The following SLC16A7 variants were observed in gnomAD, a reference collection of about 807,000 sequenced individuals.
SLC16A7 encodes monocarboxylate transporter 2.
In SLC16A7, 33 loss-of-function variants were observed where a neutral mutation model predicts 34.9. The observed-to-expected ratio is 0.94, with a 90% CI of 0.72 to 1.26. The LOEUF (loss-of-function observed/expected upper bound fraction) is 1.26. Ranked by LOEUF, SLC16A7 falls within the 50% of genes most tolerant of loss-of-function variation. The probability of loss-of-function intolerance (pLI) is 0.00; values close to 1 mark genes in which losing one functional copy is unlikely to be tolerated. For missense variants in SLC16A7, 573 were observed against 578.1 expected, an observed-to-expected ratio of 0.99 and a Z score of 0.09; for synonymous variants, 201 against 206.6, an observed-to-expected ratio of 0.97 and a Z score of 0.23.
intron 3 of SLC16A7, among the ~76,000 whole-genome samples, chr12:59,718,900 T>C (rs1398576757): frequency 2.0e-5 from 3 of 152,170 alleles, no homozygotes; most frequent in African/African-American, 7.2e-5. Context: ...TTCTAGACAC[T>C]ATCTAGATTA....
rs1470797783 is a variant in SLC16A7 at position 59,788,453 on chromosome 12, C to G, written c.*8774C>G. 6.6e-6 allele frequency: 1 copy of G among 151,962 alleles called. No individual in the cohort carries two copies. Among genetic ancestry groups the G allele is most frequent in the African/African-American group, 2.4e-5 (1 of 41,410 alleles). 9.4% of individuals were successfully genotyped at this position (151,962 alleles called of 1,614,324 possible). ...ATCATATTGCCACATGGTCTATCAA[C>G]TATGGTTACTATGATAGTGAAATAA... On this transcript the variant is annotated 3_prime_UTR_variant, in exon 6 of 6. Coordinates refer to ENST00000547379, the MANE Select transcript of SLC16A7 (RefSeq NM_001270623.2).
At chr12:59,754,141 A>G (rs1206405470) in intron 3 of SLC16A7, among the ~76,000 whole-genome samples, 1 of 152,226 alleles carries the variant, frequency 6.6e-6, no homozygotes, top group East Asian at 1.9e-4. Flanking sequence ...CTAAATGCCC[A>G]CAAGAGAAAG....
chr12:59,608,957 T>A (rs1484482841), intron 1 of SLC16A7, among the ~76,000 whole-genome samples: 1 of 152,234 alleles, frequency 6.6e-6, no homozygotes, highest in Non-Finnish European at 1.5e-5. Flanking sequence ...TGATCAAAAT[T>A]ATTATGCATA....
intron 5 of SLC16A7, among the ~76,000 whole-genome samples, chr12:59,778,256 A>G (rs1368369850): frequency 6.6e-6 from 1 of 152,140 alleles, no homozygotes; most frequent in African/African-American, 2.4e-5. Flanking sequence ...AAGAAGGCAA[A>G]TTAAAATTAT....
intron 3 of SLC16A7, among the ~76,000 whole-genome samples, chr12:59,763,150 T>C (rs1050702494): frequency 6.6e-6 from 1 of 152,080 alleles, no homozygotes; most frequent in Non-Finnish European, 1.5e-5. Context: ...AAATGTCCCT[T>C]TTAATGAAAT....
intron 1 of SLC16A7, among the ~76,000 whole-genome samples, chr12:59,602,379 A>G (rs541061957): frequency 1.4e-5 from 2 of 145,186 alleles, no homozygotes; most frequent in African/African-American, 5.1e-5. Context: ...TGTGCTCTTT[A>G]TTTTGTTACT....
intron 3 of SLC16A7, among the ~76,000 whole-genome samples, chr12:59,717,660 G>A (rs1195114113): frequency 6.6e-6 from 1 of 152,056 alleles, no homozygotes; most frequent in African/African-American, 2.4e-5. Flanking sequence ...AGAAACCTGA[G>A]GCAATTCATG....
chr12:59,769,413 A>G (rs1277891134), intron 3 of SLC16A7: 1 of 152,124 alleles, frequency 6.6e-6, no homozygotes, highest in Admixed American at 6.6e-5. Flanking sequence ...GAACTTTACC[A>G]TGTTAGGGAC....
intron 3 of SLC16A7, among the ~76,000 whole-genome samples, chr12:59,769,626 T>G (rs1452114683): frequency 6.6e-6 from 1 of 152,112 alleles, no homozygotes; most frequent in Non-Finnish European, 1.5e-5. Context: ...CAAAAGATAT[T>G]GTGGAGTTAA....
chr12:59,643,521 G>A (rs1880777704), intron 1 of SLC16A7, among the ~76,000 whole-genome samples: 1 of 152,100 alleles, frequency 6.6e-6, no homozygotes, highest in African/African-American at 2.4e-5. Flanking sequence ...GGAAGAGACT[G>A]GCATTAGAAA....
intron 1 of SLC16A7, among the ~76,000 whole-genome samples, chr12:59,618,907 G>GT (rs1272825990): frequency 1.3e-5 from 2 of 151,796 alleles, no homozygotes; most frequent in African/African-American, 4.8e-5. Context: ...AATTGGCTGC[G>GT]TTTTCTATAT....
intron 3 of SLC16A7, among the ~76,000 whole-genome samples, chr12:59,760,086 C>A (rs1318055370): frequency 2.0e-5 from 3 of 151,852 alleles, no homozygotes; most frequent in African/African-American, 7.3e-5. Flanking sequence ...GAAACTATAC[C>A]CGTTATTACA....
At chr12:59,708,763 T>A (rs1336699876) in intron 3 of SLC16A7, among the ~76,000 whole-genome samples, 1 of 151,636 alleles carries the variant, frequency 6.6e-6, no homozygotes, top group Non-Finnish European at 1.5e-5. Context: ...TTAGTTGGTA[T>A]CTGGGCTTTG....
At chr12:59,597,113 C>T (rs762234235) in intron 1 of SLC16A7, 6 of 152,100 alleles carry the variant, frequency 3.9e-5, no homozygotes, top group Non-Finnish European at 7.3e-5. Flanking sequence ...TCTACTTCCG[C>T]GAAAAGGATT....
intron 1 of SLC16A7, among the ~76,000 whole-genome samples, chr12:59,605,511 G>A (rs576499528): frequency 4.9e-4 from 74 of 152,250 alleles, no homozygotes; most frequent in Non-Finnish European, 8.2e-4. Flanking sequence ...AGTGAAGAGG[G>A]ATTTTGAATA....
chr12:59,714,811 C>T (rs535978432), intron 3 of SLC16A7, among the ~76,000 whole-genome samples: 13 of 152,172 alleles, frequency 8.5e-5, no homozygotes, highest in African/African-American at 1.7e-4. Flanking sequence ...GTGATCCACC[C>T]GCCTCGGCCT....
intron 3 of SLC16A7, among the ~76,000 whole-genome samples, chr12:59,765,526 G>C (rs1433933885): frequency 6.6e-6 from 1 of 152,182 alleles, no homozygotes; most frequent in East Asian, 1.9e-4. Context: ...GTAAGGAAGG[G>C]ATCCAGTTTC....
intron 2 of SLC16A7, among the ~76,000 whole-genome samples, chr12:59,686,781 A>C (rs1871195096): frequency 6.6e-6 from 1 of 152,108 alleles, no homozygotes; most frequent in Non-Finnish European, 1.5e-5. Flanking sequence ...GAAAAGACTT[A>C]CTGGTGTCTG....
chr12:59,714,561 C>CTCTG (rs1270084233), intron 3 of SLC16A7, among the ~76,000 whole-genome samples: 3 of 151,462 alleles, frequency 2.0e-5, no homozygotes, highest in Non-Finnish European at 3.0e-5. Context: ...CTCTCTCTCT[C>CTCTG]TCTCTTTTTT....
Sources: gnomAD v4.1 joint callset for allele counts (sites outside exome capture counted in the v4.1 genomes callset) on GRCh38, gnomAD v4.1.1 for gene constraint, MANE v1.5 for transcripts, NCBI Gene and HGNC (gene_info 2026-07-23, HGNC 2026-07-21) for gene names.